Variants in TTN observed in about 807,000 individuals in gnomAD.
TTN encodes the protein titin, also known as connectin.
Under a neutral mutation model 3,223.0 loss-of-function variants are expected in TTN, and 1,525 were observed. That is an observed-to-expected ratio of 0.47 (90% confidence interval 0.45 to 0.49). TTN has a LOEUF of 0.49. Among genes scored for constraint, TTN ranks in the 20% least tolerant of loss-of-function variants. The pLI, the probability that TTN is intolerant of heterozygous loss-of-function variation, is 0.00. For synonymous variants in TTN, 14,094 were observed against 15,161.0 expected, an observed-to-expected ratio of 0.93 and a Z score of 5.17; for missense variants, 40,786 against 43,424.0, an observed-to-expected ratio of 0.94 and a Z score of 5.40.
rs1559023612 is a variant in TTN at position 178,533,264 on chromosome 2, G to C, written c.103351C>G (p.Leu34451Val). The C allele has an allele frequency of 6.2e-7, 1 of 1,613,920 alleles. No individual in the cohort carries two copies. The highest frequency in any genetic ancestry group is 8.5e-7 in the Non-Finnish European group (1 of 1,179,868). ...TAGSTSCQAH[L>V]QVERLRYKKQ... is the part of the protein sequence containing the mutation. Reference sequence around the variant, plus strand: ...TTGTACCTCAGGCGTTCCACTTGTAGGTGAGCCTGGCAGCTGGTGGACCCA... The same window carrying C: ...TTGTACCTCAGGCGTTCCACTTGTACGTGAGCCTGGCAGCTGGTGGACCCA... Residue 34451 changes from leucine (L) to valine (V), a missense_variant, in exon 358 of 363, where the codon CTA becomes GTA. Coordinates refer to ENST00000589042, the MANE Select transcript of TTN (RefSeq NM_001267550.2).
At chr2:178,751,127 T>C (rs758180503) in intron 47 of TTN, 2 of 1,612,808 alleles carry the variant, frequency 1.2e-6, no homozygotes, top group East Asian at 4.5e-5. Context: ...CTTATAACTT[T>C]CAGCTAGATC....
chr2:178,651,782 C>T (rs761412232), intron 205 of TTN, 33 bp from the exon 206 acceptor site: 5 of 1,609,188 alleles, frequency 3.1e-6, no homozygotes, highest in African/African-American at 2.7e-5. Context: ...TTAGAAAGAA[C>T]GAAGATTGAG....
rs576265139 is a variant in TTN at position 178,750,578 on chromosome 2, C to T, written c.11311+2546G>A. 3.5e-5 allele frequency: 57 copies of T among 1,612,248 alleles called. No individual in the cohort carries two copies. Among genetic ancestry groups the T allele is most frequent in the Middle Eastern group, 1.7e-4 (1 of 6,036 alleles). On this transcript the variant is annotated intron_variant, in intron 47 of 362. Transcript: ENST00000589042. The stretch of plus-strand genomic sequence containing the variant: ...TTCTTGAAGAAATGAAGGTGGGCAA[C>T]GTTGTGGGCGTTTTCGAAAAGAATT...
intron 316 of TTN, chr2:178,580,908 A>AT: frequency 3.5e-6 from 1 of 283,292 alleles, no homozygotes; most frequent in Non-Finnish European, 6.4e-6. Flanking sequence ...TAGACGATTG[A>AT]TTTTTGGCTC....
intron 6 of TTN, chr2:178,798,711 C>G (rs1236708252): frequency 6.6e-6 from 1 of 152,112 alleles, no homozygotes; most frequent in Middle Eastern, 3.2e-3. Context: ...CTATCAATAA[C>G]ATTGAGGATA....
In TTN at chr2:178,740,286, T is replaced by C; in HGVS notation, c.12947A>G (p.Gln4316Arg). Reference sequence around the variant, plus strand: ...TTCCTCAATTCTGACCGCAGAATCTTGCCCTGCATTTTCCAGTGGATTTGC... The same window carrying C: ...TTCCTCAATTCTGACCGCAGAATCTCGCCCTGCATTTTCCAGTGGATTTGC... Reference protein sequence around the residue: ...ESANPLENAGQDSAVRIEEGK... With the variant: ...ESANPLENAGRDSAVRIEEGK... The change falls in exon 48 of 363, where the codon CAA (glutamine) becomes CGA (arginine). Residue 4316 changes from glutamine (Q) to arginine (R), a missense_variant. Gln to Arg is a conservative substitution (Grantham distance 43). Transcript: ENST00000589042. 6.2e-7 allele frequency: 1 copy of C among 1,613,760 alleles called. No homozygotes were observed. Among genetic ancestry groups the C allele is most frequent in the Non-Finnish European group, 8.5e-7 (1 of 1,179,820 alleles).
chr2:178,566,261 A>T lies in TTN; in HGVS notation c.79871T>A (p.Ile26624Asn), dbSNP rs373540030. The change falls in exon 326 of 363, where the codon ATC (isoleucine) becomes AAC (asparagine). Residue 26624 changes from isoleucine (I) to asparagine (N), a missense_variant. Physicochemically the swap from Ile to Asn is moderately radical, Grantham distance 149 (BLOSUM62 -3). Transcript: ENST00000589042. The part of the protein sequence containing the change: ...IPFKGRPTPE[I>N]TWSREEGEFT... ...TTCACCTTCCTCTCGAGACCAAGTGATCTCAGGCGTTGGACGACCTTTGAA... is the reference window on the plus strand; with the variant it reads ...TTCACCTTCCTCTCGAGACCAAGTGTTCTCAGGCGTTGGACGACCTTTGAA... 4.3e-6 allele frequency: 7 copies of T among 1,613,646 alleles called. No individual in the cohort carries two copies. In the South Asian group the frequency reaches 7.7e-5, roughly 18 times the overall value.
At chr2:178,738,876 A>C (rs947341930) in intron 48 of TTN, among the ~76,000 whole-genome samples, 2 of 152,160 alleles carry the variant, frequency 1.3e-5, no homozygotes, top group East Asian at 3.8e-4. Flanking sequence ...ATTAACTAAA[A>C]GCTTATCTAT....
chr2:178,570,761 T>G lies in TTN; in HGVS notation c.75371A>C (p.His25124Pro). The change falls in exon 326 of 363, where the codon CAT becomes CCT. Residue 25124 changes from histidine (H) to proline (P), a missense_variant. His to Pro is a moderately conservative substitution (Grantham distance 77). Transcript: ENST00000589042. ...ATCAACCTTGAATGATTCACCAGCATGAACCACGATTGTGTCTTTGTATTT... is the reference window on the plus strand; with the variant it reads ...ATCAACCTTGAATGATTCACCAGCAGGAACCACGATTGTGTCTTTGTATTT... ...DPKYKDTIVVHAGESFKVDAD... is the reference protein window; with the variant it reads ...DPKYKDTIVVPAGESFKVDAD... The G allele has an allele frequency of 1.2e-6, 2 of 1,613,578 alleles. No homozygotes were observed. The highest frequency in any genetic ancestry group is 1.7e-6 in the Non-Finnish European group (2 of 1,179,624).
chr2:178,675,574 C>CTCTTTTG, intron 149 of TTN, 97 bp downstream of exon 149: 1 of 943,394 alleles, frequency 1.1e-6, no homozygotes, highest in Non-Finnish European at 1.4e-6. Context: ...GAATGACAGA[C>CTCTTTTG]CATACAATGC....
chr2:178,543,567 G>C lies in TTN; in HGVS notation c.96406C>G (p.Pro32136Ala). Residue 32136 changes from proline to alanine, a missense_variant, in exon 347 of 363, where the codon CCA becomes GCA. Pro to Ala is a conservative substitution (Grantham distance 27). Transcript: ENST00000589042. ...TTCTCAACGATGTAATTGTTGACTG[G>C]AGCTCCACCATCAATCGTGGGAATT... is the stretch of plus-strand genomic sequence containing the variant. The part of the protein sequence containing the change: ...WEIPTIDGGA[P>A]VNNYIVEKRE... 2 of 1,610,502 alleles carry C rather than the reference G, an allele frequency of 1.2e-6. No homozygotes were observed. The highest frequency in any genetic ancestry group is 1.7e-6 in the Non-Finnish European group (2 of 1,179,692).
At position 178,776,391 on chromosome 2, in the gene TTN, C is replaced by CA; in HGVS notation, c.5472dup (p.Glu1825Ter). The CA allele has an allele frequency of 1.2e-6, 2 of 1,612,768 alleles. No homozygotes were observed. Among genetic ancestry groups the CA allele is most frequent in the Non-Finnish European group, 1.7e-6 (2 of 1,179,978 alleles). Reference sequence around the variant, plus strand: ...GTTGTTACACCTGTAAGTGCACCTTCATGAGCCATTCTCTCTAATTCTTCA... The same window carrying CA: ...GTTGTTACACCTGTAAGTGCACCTTCAATGAGCCATTCTCTCTAATTCTTCA... On this transcript the variant is annotated frameshift_variant, in exon 28 of 363. Coordinates refer to ENST00000589042, the MANE Select transcript of TTN (RefSeq NM_001267550.2). LOFTEE classifies it high-confidence loss of function.
At chr2:178,773,428 A>AAAGT in intron 32 of TTN, 34 bp downstream of exon 32, 1 of 1,614,008 alleles carries the variant, frequency 6.2e-7, no homozygotes, top group South Asian at 1.1e-5. Flanking sequence ...TAGAATGCTT[A>AAAGT]AAGTAATTAT....
At chr2:178,745,722 T>A in intron 47 of TTN, 1 of 1,612,456 alleles carries the variant, frequency 6.2e-7, no homozygotes, top group South Asian at 1.1e-5. Flanking sequence ...TCCTCAACAG[T>A]GAACCTTCTT....
intron 50 of TTN, 50 bp downstream of exon 50, chr2:178,735,461 A>G (rs2081280304): frequency 6.8e-7 from 1 of 1,473,830 alleles, no homozygotes; most frequent in Non-Finnish European, 9.0e-7. Flanking sequence ...TTTTCTACTG[A>G]GGATTCCTTG....
In TTN at chr2:178,714,590, A is replaced by G. The variant is rs1472546665; in HGVS notation, c.26201-17T>C. On this transcript the variant is annotated splice_polypyrimidine_tract_variant and intron_variant, in intron 90 of 362. Transcript: ENST00000589042. ...TTGGTGGTGCTGATGAAAAAGGAGG[A>G]AAGCCTGGGTTTTAAAATTTGTGAG... The G allele has an allele frequency of 1.9e-6, 3 of 1,572,180 alleles. No individual in the cohort carries two copies.
At position 178,579,118 on chromosome 2, in the gene TTN, T is replaced by C. The variant is rs1300737822; in HGVS notation, c.67912A>G (p.Ile22638Val). The C allele has an allele frequency of 6.2e-7, 1 of 1,613,288 alleles. No homozygotes were observed. The highest frequency in any genetic ancestry group is 8.5e-7 in the Non-Finnish European group (1 of 1,179,558). The change falls in exon 320 of 363, where the codon ATA (isoleucine) becomes GTA (valine). Residue 22638 changes from isoleucine to valine, a missense_variant. Ile to Val is a conservative substitution (Grantham distance 29, BLOSUM62 3). Coordinates refer to ENST00000589042, the MANE Select transcript of TTN (RefSeq NM_001267550.2). ...ATGCCAGGCTTGCCAACAACCTTTA[T>C]GGAGATAGTTCCTTCCTTGGTGCCA... ...VAGTKEGTIS[I>V]KVVGKPGIPT...
At chr2:178,709,514 T>A in intron 99 of TTN, 52 bp downstream of exon 99, 1 of 1,551,944 alleles carries the variant, frequency 6.4e-7, no homozygotes, top group Non-Finnish European at 8.7e-7. Context: ...CATGGATATA[T>A]AACAGGCAGT....
At chr2:178,746,815 A>C in intron 47 of TTN, 1 of 1,613,402 alleles carries the variant, frequency 6.2e-7, no homozygotes, top group Non-Finnish European at 8.5e-7. Context: ...TTGTGTTTTC[A>C]TATACCTTCC....
Sources: allele counts gnomAD v4.1 joint callset (sites outside exome capture counted in the v4.1 genomes callset), GRCh38; gene constraint gnomAD v4.1.1; transcripts MANE v1.5; gene names NCBI Gene and HGNC (gene_info 2026-07-23, HGNC 2026-07-21).